PLD5: variants seen among roughly 807,000 people sequenced by gnomAD.
PLD5 encodes inactive phospholipase D5.
Under a neutral mutation model 61.1 loss-of-function variants are expected in PLD5, and 36 were observed. The observed-to-expected ratio is 0.59, with a 90% CI of 0.45 to 0.78. The LOEUF (loss-of-function observed/expected upper bound fraction) is 0.78, where lower values mean the gene tolerates loss of function less well. Ranked by LOEUF, PLD5 falls within the 30% of genes least tolerant of loss-of-function variation. The pLI is 0.00. For missense variants in PLD5, 515 were observed against 644.4 expected (o/e 0.80, Z 2.17); for synonymous variants, 243 against 242.8 (o/e 1.00, Z -0.01).
chr1:242,152,087 C>T (rs147949781), intron 5 of PLD5, among the ~76,000 whole-genome samples: 34 of 152,030 alleles, frequency 2.2e-4, no homozygotes, highest in Non-Finnish European at 4.1e-4. Context: ...GTTCAAGACT[C>T]ATCTCCCTGG....
intron 1 of PLD5, among the ~76,000 whole-genome samples, chr1:242,452,105 C>CGCA (rs1666802705): frequency 1.3e-5 from 2 of 152,074 alleles, no homozygotes; most frequent in Admixed American, 6.6e-5. Flanking sequence ...ATCACGGGGG[C>CGCA]GCACCATCCT....
intron 1 of PLD5, among the ~76,000 whole-genome samples, chr1:242,455,410 A>G (rs147214279): frequency 1.3e-5 from 2 of 152,342 alleles, no homozygotes; most frequent in Non-Finnish European, 2.9e-5. Context: ...CCAAGTAAGA[A>G]GTCTTCTGAG....
chr1:242,097,684 C>A (rs1660357868), intron 9 of PLD5, among the ~76,000 whole-genome samples: 1 of 152,126 alleles, frequency 6.6e-6, no homozygotes, highest in African/African-American at 2.4e-5. Flanking sequence ...AATTTTCTCC[C>A]ATTCTGTAGG....
chr1:242,226,522 T>C (rs2149026607), intron 4 of PLD5, among the ~76,000 whole-genome samples: 1 of 152,374 alleles, frequency 6.6e-6, no homozygotes, highest in African/African-American at 2.4e-5. Flanking sequence ...ACTTTCATGC[T>C]ATCCAGGCAG....
At chr1:242,379,148 G>A (rs142655048) in intron 1 of PLD5, among the ~76,000 whole-genome samples, 57 of 152,238 alleles carry the variant, frequency 3.7e-4, no homozygotes, top group Non-Finnish European at 7.6e-4. Context: ...ATGGAGTAAC[G>A]AGGCTTCCAC....
intron 1 of PLD5, among the ~76,000 whole-genome samples, chr1:242,444,731 T>TAATAAAATAATATA (rs1558572567): frequency 1.5e-4 from 11 of 71,120 alleles, no homozygotes; most frequent in South Asian, 3.3e-4. Context: ...AATATATATA[T>TAATAAAATAATATA]TATTTGTATA....
intron 2 of PLD5, among the ~76,000 whole-genome samples, chr1:242,331,645 A>G (rs1378362284): frequency 1.3e-5 from 2 of 152,196 alleles, no homozygotes; most frequent in African/African-American, 4.8e-5. Context: ...ATCAACGTTT[A>G]ATATTACATT....
At position 242,086,041 on chromosome 1, in the gene PLD5, G is replaced by T. The variant is rs983736493; in HGVS notation, c.*3813C>A. On this transcript the variant is annotated 3_prime_UTR_variant, in exon 10 of 10. Coordinates refer to ENST00000536534, the MANE Select transcript of PLD5 (RefSeq NM_001372062.1). ...TCAGAGTCACTGAGTATAGCCACAGGCTGGTGGGAAATGAGCTTCTATCCA... is the reference window on the plus strand; with the variant it reads ...TCAGAGTCACTGAGTATAGCCACAGTCTGGTGGGAAATGAGCTTCTATCCA... 1 of 152,124 alleles carries T rather than the reference G, an allele frequency of 6.6e-6. No homozygotes were observed. Among genetic ancestry groups the T allele is most frequent in the Non-Finnish European group, 1.5e-5 (1 of 68,038 alleles). The allele number at this position is 152,124 out of a possible 1,614,324, so 9.4% of individuals were successfully genotyped here.
In PLD5 at chr1:242,107,720, G is replaced by A. The variant is rs756103207; in HGVS notation, c.1190C>T (p.Ser397Leu). 1.2e-6 allele frequency: 2 copies of A among 1,607,420 alleles called. No individual in the cohort carries two copies. Among genetic ancestry groups the A allele is most frequent in the Non-Finnish European group, 8.5e-7 (1 of 1,178,496 alleles). ...TTCAGTGCAAATCGCTTTAAGAGATGAAATAAAGTTAAACGTAAGGGGATC... is the reference window on the plus strand; with the variant it reads ...TTCAGTGCAAATCGCTTTAAGAGATAAAATAAAGTTAAACGTAAGGGGATC... The part of the protein sequence containing the change: ...ETDPLTFNFI[S>L]SLKAICTEIA... The change falls in exon 8 of 10, where the codon TCA becomes TTA. Residue 397 changes from serine (S) to leucine (L), a missense_variant. This residue lies in a region of PLD5 where 450 missense variants were observed against 598.1 expected (regional missense o/e 0.75). Transcript: ENST00000536534.
chr1:242,119,511 CTTAAT>C (rs2148719772), intron 6 of PLD5, among the ~76,000 whole-genome samples: 1 of 151,894 alleles, frequency 6.6e-6, no homozygotes, highest in East Asian at 2.0e-4. Flanking sequence ...TTTTAAATAA[CTTAAT>C]TTAAATGGGC....
chr1:242,465,757 T>A (rs1288765927), intron 1 of PLD5, among the ~76,000 whole-genome samples: 2 of 152,024 alleles, frequency 1.3e-5, no homozygotes, highest in Non-Finnish European at 2.9e-5. Context: ...CGAAACCCCA[T>A]CTCTACTAAA....
chr1:242,212,418 G>A lies in PLD5; in HGVS notation c.735+7570C>T, dbSNP rs372766783. On this transcript the variant is annotated intron_variant, in intron 5 of 9. Coordinates refer to ENST00000536534, the MANE Select transcript of PLD5 (RefSeq NM_001372062.1). ...AAAGACCAGAGCTGCGCGACCATGC[G>A]AGCGGTGGGCAGAAGGAAAGGCTCA... 5.4e-4 allele frequency among the ~76,000 whole-genome samples: 83 copies of A among 152,310 alleles called. 2 individuals carry two copies. The South Asian group carries it at 0.016, about 29-fold the overall frequency.
chr1:242,190,165 A>G (rs1463324149), intron 5 of PLD5, among the ~76,000 whole-genome samples: 2 of 22,876 alleles, frequency 8.7e-5, no homozygotes, highest in Non-Finnish European at 1.5e-4. Flanking sequence ...TTTTTTTTTG[A>G]GACGGAGTCT....
intron 5 of PLD5, among the ~76,000 whole-genome samples, chr1:242,127,253 T>C (rs1662867436): frequency 6.6e-6 from 1 of 152,178 alleles, no homozygotes; most frequent in Non-Finnish European, 1.5e-5. Flanking sequence ...GGAGATTCCT[T>C]AAAGAATTAA....
chr1:242,088,413 T>C lies in PLD5; in HGVS notation c.*1441A>G, dbSNP rs1659572947. On this transcript the variant is annotated 3_prime_UTR_variant, in exon 10 of 10. Coordinates refer to ENST00000536534, the MANE Select transcript of PLD5 (RefSeq NM_001372062.1). ...TGATTCCATCAAGATATGACAAAGT[T>C]TATTTCAAGAAAAAGATTATATATT... 6.6e-6 allele frequency: 1 copy of C among 152,218 alleles called. No individual in the cohort carries two copies. The highest frequency in any genetic ancestry group is 6.5e-5 in the Admixed American group (1 of 15,282). The allele number at this position is 152,218 out of a possible 1,614,324, so 9.4% of individuals were successfully genotyped here.
intron 5 of PLD5, among the ~76,000 whole-genome samples, chr1:242,214,736 T>A (rs944255157): frequency 1.3e-5 from 2 of 152,162 alleles, no homozygotes; most frequent in African/African-American, 4.8e-5. Flanking sequence ...TAGAACCTAA[T>A]TAGTTATGGC....
chr1:242,292,127 A>G (rs1273491558), intron 2 of PLD5, among the ~76,000 whole-genome samples: 1 of 152,156 alleles, frequency 6.6e-6, no homozygotes, highest in Non-Finnish European at 1.5e-5. Context: ...GAAGTTGGAT[A>G]TCTTAATTCT....
chr1:242,161,929 A>C (rs1391942341), intron 5 of PLD5, among the ~76,000 whole-genome samples: 2 of 152,190 alleles, frequency 1.3e-5, no homozygotes, highest in African/African-American at 4.8e-5. Context: ...GGATCCTTGC[A>C]AGCTGGACAT....
chr1:242,420,067 TAGAAGG>T (rs1296494618), intron 1 of PLD5, among the ~76,000 whole-genome samples: 3 of 152,192 alleles, frequency 2.0e-5, no homozygotes, highest in African/African-American at 7.2e-5. Flanking sequence ...ATTCTTGCTG[TAGAAGG>T]AGCACTTCTA....
Sources: gnomAD v4.1 joint callset for allele counts (sites outside exome capture counted in the v4.1 genomes callset) on GRCh38, gnomAD v4.1.1 for gene constraint, gnomAD v4.1.1 regional missense constraint, MANE v1.5 for transcripts, NCBI Gene and HGNC (gene_info 2026-07-23, HGNC 2026-07-21) for gene names.